FAM135A: variants seen among roughly 807,000 people sequenced by gnomAD.
The protein encoded by FAM135A is family with sequence similarity 135 member A, also known as protein FAM135A.
FAM135A carries 79 observed loss-of-function variants against 146.8 expected under a neutral mutation model. The ratio of observed to expected loss-of-function variants is 0.54; its 90% CI spans 0.45 to 0.65. FAM135A has a LOEUF of 0.65. FAM135A is among the 30% of genes least tolerant of loss of function. The probability of loss-of-function intolerance (pLI) is 0.00; values close to 1 mark genes in which losing one functional copy is unlikely to be tolerated. For missense variants in FAM135A, 1,623 were observed against 1,758.2 expected (o/e 0.92, Z 1.38); for synonymous variants, 562 against 603.6 (o/e 0.93, Z 1.01).
intron 20 of FAM135A, 188 bp from the exon 21 acceptor site, chr6:70,556,562 A>G (rs1002852618): frequency 2.4e-5 from 12 of 504,678 alleles, no homozygotes; most frequent in Middle Eastern, 5.2e-4. Context: ...TCAAGACTAC[A>G]TAACAGTGAG....
intron 2 of FAM135A, among the ~76,000 whole-genome samples, chr6:70,419,927 G>A (rs1374447970): frequency 1.3e-5 from 2 of 152,216 alleles, no homozygotes; most frequent in African/African-American, 2.4e-5. Flanking sequence ...CATAATGAGA[G>A]TGATATATTC....
At chr6:70,433,050 G>A (rs1360085347) in intron 4 of FAM135A, among the ~76,000 whole-genome samples, 3 of 150,350 alleles carry the variant, frequency 2.0e-5, no homozygotes, top group East Asian at 1.9e-4. Flanking sequence ...TAGGATGTCC[G>A]TATAATTTAT....
At chr6:70,432,275 A>G (rs1052512675) in intron 4 of FAM135A, among the ~76,000 whole-genome samples, 1 of 152,172 alleles carries the variant, frequency 6.6e-6, no homozygotes, top group Non-Finnish European at 1.5e-5. Flanking sequence ...GCACTTCTGT[A>G]AAGATACTAA....
intron 5 of FAM135A, 109 bp from the exon 6 acceptor site, chr6:70,475,299 AAT>A (rs1311743615): frequency 2.4e-6 from 2 of 845,160 alleles, no homozygotes; most frequent in Admixed American, 3.6e-5. Flanking sequence ...ATAAATTGAT[AAT>A]GACACTATAG....
intron 5 of FAM135A, among the ~76,000 whole-genome samples, chr6:70,470,443 G>A (rs1333273909): frequency 2.6e-5 from 4 of 152,000 alleles, no homozygotes; most frequent in African/African-American, 7.2e-5. Context: ...TGCAACCTCC[G>A]CCTCCCAGGT....
At chr6:70,414,249 T>G (rs1766992059) in intron 1 of FAM135A, among the ~76,000 whole-genome samples, 1 of 152,180 alleles carries the variant, frequency 6.6e-6, no homozygotes, top group Non-Finnish European at 1.5e-5. Flanking sequence ...TTCCTTGGTT[T>G]TATTTTCCTC....
chr6:70,497,428 C>A (rs1180854445), intron 11 of FAM135A, among the ~76,000 whole-genome samples: 1 of 152,172 alleles, frequency 6.6e-6, no homozygotes, highest in Non-Finnish European at 1.5e-5. Flanking sequence ...AATAGACAAT[C>A]ATGTCATCTG....
chr6:70,464,462 T>C lies in FAM135A; in HGVS notation c.158-10948T>C, dbSNP rs1446476126. On this transcript the variant is annotated intron_variant, in intron 5 of 21. Coordinates refer to ENST00000418814, the MANE Select transcript of FAM135A (RefSeq NM_001162529.3). ...CAGTGAAAAAGATTAATGTGGTTTC[T>C]GACTTAATGGAGTTGTTATCATCTA... Among the ~76,000 whole-genome samples, 3 of 152,214 alleles carry C rather than the reference T, an allele frequency of 2.0e-5. No individual in the cohort carries two copies. The East Asian group carries it at 5.8e-4, about 29-fold the overall frequency.
chr6:70,424,191 A>G (rs1366020742), intron 2 of FAM135A, among the ~76,000 whole-genome samples: 1 of 152,140 alleles, frequency 6.6e-6, no homozygotes, highest in African/African-American at 2.4e-5. Flanking sequence ...TCTGAAGTTG[A>G]TGTTGAAAGT....
intron 12 of FAM135A, among the ~76,000 whole-genome samples, chr6:70,518,332 T>G (rs755920354): frequency 9.2e-5 from 14 of 152,136 alleles, no homozygotes; most frequent in Non-Finnish European, 1.6e-4. Context: ...AAGAAAAATT[T>G]GAAACTAGCA....
At chr6:70,477,537 C>T (rs1472764430) in intron 8 of FAM135A, among the ~76,000 whole-genome samples, 1 of 152,080 alleles carries the variant, frequency 6.6e-6, no homozygotes, top group Non-Finnish European at 1.5e-5. Flanking sequence ...GGGGAGCAGG[C>T]ATCTCACATG....
chr6:70,422,813 T>C (rs1769169634), intron 2 of FAM135A, among the ~76,000 whole-genome samples: 1 of 152,248 alleles, frequency 6.6e-6, no homozygotes, highest in Admixed American at 6.5e-5. Context: ...TTGAGTACTA[T>C]GTGCCAGACA....
intron 5 of FAM135A, among the ~76,000 whole-genome samples, chr6:70,453,336 G>A (rs1023768597): frequency 6.6e-6 from 1 of 152,086 alleles, no homozygotes; most frequent in Admixed American, 6.6e-5. Flanking sequence ...AAAACTTGTT[G>A]GGTATTTGAA....
At chr6:70,431,583 A>G (rs1277176234) in intron 4 of FAM135A, among the ~76,000 whole-genome samples, 4 of 152,190 alleles carry the variant, frequency 2.6e-5, no homozygotes, top group African/African-American at 9.7e-5. Context: ...GCCAGCCCAC[A>G]TTTAAAAGGT....
intron 20 of FAM135A, among the ~76,000 whole-genome samples, chr6:70,541,908 G>A (rs1228173792): frequency 2.6e-5 from 4 of 152,144 alleles, no homozygotes; most frequent in Non-Finnish European, 5.9e-5. Context: ...GAATTGCCAA[G>A]TTTTAAAACA....
At chr6:70,433,589 G>T (rs1168474561) in intron 4 of FAM135A, among the ~76,000 whole-genome samples, 1 of 151,360 alleles carries the variant, frequency 6.6e-6, no homozygotes, top group Admixed American at 6.6e-5. Context: ...TGATGTCATC[G>T]AAGCTTGTCC....
intron 12 of FAM135A, chr6:70,504,585 A>G (rs944038879): frequency 2.0e-5 from 3 of 152,208 alleles, no homozygotes; most frequent in African/African-American, 7.2e-5. Context: ...TCCATATGGT[A>G]AGTATTAAAT....
intron 5 of FAM135A, among the ~76,000 whole-genome samples, chr6:70,474,905 G>A (rs1318405173): frequency 6.6e-6 from 1 of 152,068 alleles, no homozygotes; most frequent in African/African-American, 2.4e-5. Context: ...TAATCACATG[G>A]CTGGTCTTAG....
At chr6:70,458,361 C>T (rs1239376415) in intron 5 of FAM135A, among the ~76,000 whole-genome samples, 1 of 152,092 alleles carries the variant, frequency 6.6e-6, no homozygotes, top group Non-Finnish European at 1.5e-5. Flanking sequence ...TTTCATATTT[C>T]AAATATTATA....
Sources: allele counts gnomAD v4.1 joint callset (sites outside exome capture counted in the v4.1 genomes callset), GRCh38; gene constraint gnomAD v4.1.1; transcripts MANE v1.5; gene names NCBI Gene and HGNC (gene_info 2026-07-23, HGNC 2026-07-21).